Variants in CDH9 observed in about 807,000 individuals in gnomAD.
CDH9 encodes cadherin 9, also known as cadherin-9.
In CDH9, 28 loss-of-function variants were observed where a neutral mutation model predicts 70.9. That is an observed-to-expected ratio of 0.40 (90% CI 0.29 to 0.54). The LOEUF (loss-of-function observed/expected upper bound fraction) is 0.54, where lower values mean the gene tolerates loss of function less well. Among genes scored for constraint, CDH9 ranks in the 20% least tolerant of loss-of-function variants. The probability of loss-of-function intolerance (pLI) is 0.59; values close to 1 mark genes in which losing one functional copy is unlikely to be tolerated. For missense variants in CDH9, 874 were observed against 984.4 expected, an observed-to-expected ratio of 0.89 and a Z score of 1.50; for synonymous variants, 409 against 343.1, an observed-to-expected ratio of 1.19 and a Z score of -2.12.
intron 2 of CDH9, among the ~76,000 whole-genome samples, chr5:26,937,404 T>C (rs1323668955): frequency 6.6e-6 from 1 of 152,156 alleles, no homozygotes; most frequent in Non-Finnish European, 1.5e-5. Flanking sequence ...GAGAACTCAG[T>C]CATTACTGGT....
intron 1 of CDH9, among the ~76,000 whole-genome samples, chr5:27,031,182 A>T (rs1418980343): frequency 6.6e-6 from 1 of 151,858 alleles, no homozygotes; most frequent in Non-Finnish European, 1.5e-5. Flanking sequence ...TACAACTGCT[A>T]TTTTAATAAA....
At chr5:26,906,643 T>C in intron 4 of CDH9, 76 bp downstream of exon 4, 1 of 1,517,742 alleles carries the variant, frequency 6.6e-7, no homozygotes, top group East Asian at 2.5e-5. Flanking sequence ...TTTTAAAATA[T>C]TTTAAAAATC....
chr5:26,947,847 C>A (rs10520931), intron 2 of CDH9, among the ~76,000 whole-genome samples: 2 of 152,154 alleles, frequency 1.3e-5, no homozygotes, highest in East Asian at 3.9e-4. Context: ...ACAAATCTTT[C>A]GATCTCCTCC....
chr5:26,936,337 G>C (rs561287136), intron 2 of CDH9, among the ~76,000 whole-genome samples: 189 of 152,104 alleles, frequency 1.2e-3, no homozygotes, highest in Middle Eastern at 3.4e-3. Context: ...CTACATTAAT[G>C]CCAAAAAAGT....
At chr5:26,907,378 C>T (rs1028234897) in intron 3 of CDH9, among the ~76,000 whole-genome samples, 1 of 151,924 alleles carries the variant, frequency 6.6e-6, no homozygotes, top group Non-Finnish European at 1.5e-5. Context: ...CAAGATATAC[C>T]TAATTATGAA....
rs903683215 is a variant in CDH9 at position 26,937,711 on chromosome 5, G to A, written c.229-21787C>T. On this transcript the variant is annotated intron_variant, in intron 2 of 11. Transcript: ENST00000231021. ...AAATTCATGTTGCTAAGACAAAGAAGCTAGTCTGAAAAAGACTATATACCA... is the reference window on the plus strand; with the variant it reads ...AAATTCATGTTGCTAAGACAAAGAAACTAGTCTGAAAAAGACTATATACCA... 3.4e-4 allele frequency among the ~76,000 whole-genome samples: 52 copies of A among 152,064 alleles called. 1 individual carries two copies. Among genetic ancestry groups the A allele is most frequent in the African/African-American group, 1.2e-4 (5 of 41,420 alleles).
chr5:27,026,795 A>G (rs1743227994), intron 1 of CDH9, among the ~76,000 whole-genome samples: 1 of 152,036 alleles, frequency 6.6e-6, no homozygotes, highest in Non-Finnish European at 1.5e-5. Flanking sequence ...AATCATTAAC[A>G]TTCACCAAAA....
intron 2 of CDH9, among the ~76,000 whole-genome samples, chr5:26,943,941 G>A (rs1741704405): frequency 6.6e-6 from 1 of 152,040 alleles, no homozygotes; most frequent in South Asian, 2.1e-4. Flanking sequence ...CTGCTCTTTG[G>A]TTATGTTTAC....
Position 26,995,808 on chromosome 5 carries a change from T to C in CDH9, c.-49-7426A>G, listed in dbSNP as rs562418221. Among the ~76,000 whole-genome samples the C allele has an allele frequency of 5.1e-4, 77 of 152,246 alleles. 2 individuals are homozygous for C. In the South Asian group the frequency reaches 0.01, roughly 20 times the overall value. On this transcript the variant is annotated intron_variant, in intron 1 of 11. Transcript: ENST00000231021. ...CTTTGCATTTTAATCACATTTTTGTTGATAAATAAATACTATCAGATGTAC... is the reference window on the plus strand; with the variant it reads ...CTTTGCATTTTAATCACATTTTTGTCGATAAATAAATACTATCAGATGTAC...
chr5:26,913,932 A>G (rs536488778), intron 3 of CDH9, among the ~76,000 whole-genome samples: 1 of 152,042 alleles, frequency 6.6e-6, no homozygotes, highest in Non-Finnish European at 1.5e-5. Context: ...ATAATAGTCC[A>G]TTAAGTATCA....
chr5:26,964,214 T>C (rs899529658), intron 2 of CDH9, among the ~76,000 whole-genome samples: 8 of 150,806 alleles, frequency 5.3e-5, no homozygotes, highest in Admixed American at 2.6e-4. Flanking sequence ...CACACACACA[T>C]ACACACACAA....
intron 2 of CDH9, among the ~76,000 whole-genome samples, chr5:26,949,329 G>A (rs1415283432): frequency 1.3e-5 from 2 of 152,264 alleles, no homozygotes; most frequent in South Asian, 4.1e-4. Context: ...ATTTGTGGGC[G>A]ATTGATATAG....
intron 1 of CDH9, among the ~76,000 whole-genome samples, chr5:26,995,117 A>G (rs1742645204): frequency 6.6e-6 from 1 of 152,188 alleles, no homozygotes; most frequent in South Asian, 2.1e-4. Context: ...TGTAACACAT[A>G]TAGTGGTTAA....
At chr5:26,896,459 A>G (rs1740751435) in intron 7 of CDH9, among the ~76,000 whole-genome samples, 1 of 135,484 alleles carries the variant, frequency 7.4e-6, no homozygotes, top group Admixed American at 7.6e-5. Context: ...ATGATAGTAT[A>G]TCATTTATAC....
intron 7 of CDH9, among the ~76,000 whole-genome samples, chr5:26,900,933 CATAAAA>C (rs1740844508): frequency 6.6e-6 from 1 of 151,916 alleles, no homozygotes; most frequent in Admixed American, 6.6e-5. Context: ...CTGCAGAAAA[CATAAAA>C]ATAATTTACA....
At chr5:26,926,042 T>G (rs1219757353) in intron 2 of CDH9, among the ~76,000 whole-genome samples, 1 of 152,178 alleles carries the variant, frequency 6.6e-6, no homozygotes, top group East Asian at 1.9e-4. Flanking sequence ...AAGACAGGGA[T>G]GCCCTCTCTC....
intron 2 of CDH9, among the ~76,000 whole-genome samples, chr5:26,916,769 G>T (rs955882169): frequency 2.0e-5 from 3 of 151,692 alleles, no homozygotes; most frequent in Non-Finnish European, 4.4e-5. Context: ...GAGAGAGAAA[G>T]AGATTTGTAA....
intron 1 of CDH9, among the ~76,000 whole-genome samples, chr5:27,016,097 C>A (rs1034072046): frequency 7.9e-5 from 12 of 151,718 alleles, no homozygotes; most frequent in Non-Finnish European, 1.6e-4. Context: ...TACTTTTGAA[C>A]AGCTGTTTTC....
chr5:27,026,232 T>C (rs1220726993), intron 1 of CDH9, among the ~76,000 whole-genome samples: 1 of 152,032 alleles, frequency 6.6e-6, no homozygotes. Flanking sequence ...CAGTTCACAT[T>C]CTTATTATAT....
Sources: allele counts gnomAD v4.1 joint callset (sites outside exome capture counted in the v4.1 genomes callset), GRCh38; gene constraint gnomAD v4.1.1; transcripts MANE v1.5; gene names NCBI Gene and HGNC (gene_info 2026-07-23, HGNC 2026-07-21).